GJB7: variants seen among roughly 807,000 people sequenced by gnomAD.
GJB7 encodes the protein gap junction protein beta 7.
For synonymous variants in GJB7, 87 were observed against 95.2 expected, an observed-to-expected ratio of 0.91 and a Z score of 0.50; for missense variants, 253 against 256.8, an observed-to-expected ratio of 0.99 and a Z score of 0.10.
Position 87,284,864 on chromosome 6 carries a change from A to G in GJB7, c.49T>C (p.Ser17Pro). ...AGCCAAATCCATCCAGTCCCAGTGG[A>G]GTATTTATTTACTCCACTCAGGAGA... ...RDLLSGVNKY[S>P]TGTGWIWLAV... The change falls in exon 3 of 3, where the codon TCC becomes CCC. Residue 17 changes from serine (S) to proline (P), a missense_variant. Coordinates refer to ENST00000525899, the MANE Select transcript of GJB7 (RefSeq NM_198568.3). 4 of 1,614,070 alleles carry G rather than the reference A, an allele frequency of 2.5e-6. No homozygotes were observed. The highest frequency in any genetic ancestry group is 1.7e-6 in the Non-Finnish European group (2 of 1,179,996).
chr6:87,284,726 C>A lies in GJB7; in HGVS notation c.187G>T (p.Val63Leu), dbSNP rs778968909. Residue 63 changes from valine (V) to leucine (L), a missense_variant, in exon 3 of 3, where the codon GTG becomes TTG. By Grantham distance (32) the Val-to-Leu change is conservative. Transcript: ENST00000525899. ...ATGGGGAAGAAGTCATCAAAACACA[C>A]ATTTTTGCAACCGGGCTGTCTACTG... is the stretch of plus-strand genomic sequence containing the variant. ...CNSRQPGCKN[V>L]CFDDFFPISQ... 6.2e-7 allele frequency: 1 copy of A among 1,614,136 alleles called. No individual in the cohort carries two copies. The highest frequency in any genetic ancestry group is 8.5e-7 in the Non-Finnish European group (1 of 1,180,018).
chr6:87,328,335 T>C (rs1327807040), intron 1 of GJB7, among the ~76,000 whole-genome samples: 2 of 152,186 alleles, frequency 1.3e-5, no homozygotes, highest in Non-Finnish European at 2.9e-5. Context: ...ACTCTGCTTT[T>C]TAGAGTTTCC....
rs574131943 is a variant in GJB7 at position 87,304,352 on chromosome 6, G to A, written c.-28+18514C>T. ...AAATGATAAAGGGGATATCACCACC[G>A]ATCCCACAGAAATACAAACTACCAT... is the stretch of plus-strand genomic sequence containing the variant. On this transcript the variant is annotated intron_variant, in intron 2 of 2. Coordinates refer to ENST00000525899, the MANE Select transcript of GJB7 (RefSeq NM_198568.3). 7.8e-4 allele frequency among the ~76,000 whole-genome samples: 118 copies of A among 152,212 alleles called. 1 individual carries two copies. The highest frequency in any genetic ancestry group is 9.6e-4 in the Non-Finnish European group (65 of 68,008).
At chr6:87,302,510 A>G (rs1461245493) in intron 2 of GJB7, among the ~76,000 whole-genome samples, 5 of 152,260 alleles carry the variant, frequency 3.3e-5, no homozygotes, top group African/African-American at 1.2e-4. Flanking sequence ...CAAAGCCTCC[A>G]AGAAATATGG....
intron 2 of GJB7, among the ~76,000 whole-genome samples, chr6:87,318,028 A>G (rs955507750): frequency 6.6e-6 from 1 of 152,110 alleles, no homozygotes; most frequent in African/African-American, 2.4e-5. Context: ...ATGACCTGAC[A>G]TGAAAAGTAT....
At chr6:87,315,795 C>CAAAAAAAA (rs1161194601) in intron 2 of GJB7, among the ~76,000 whole-genome samples, 39 of 71,944 alleles carry the variant, frequency 5.4e-4, no homozygotes, top group Non-Finnish European at 7.4e-4. Context: ...GACTCTATCT[C>CAAAAAAAA]AAAAAAAAAA....
intron 2 of GJB7, chr6:87,299,586 T>G (rs1159508508): frequency 4.4e-6 from 1 of 227,818 alleles, no homozygotes; most frequent in East Asian, 1.3e-4. Context: ...AAGATATTGA[T>G]AGAGAAGCTC....
At chr6:87,316,838 A>G (rs1325463043) in intron 2 of GJB7, among the ~76,000 whole-genome samples, 1 of 152,190 alleles carries the variant, frequency 6.6e-6, no homozygotes, top group Non-Finnish European at 1.5e-5. Flanking sequence ...TTTAGCAATA[A>G]GAAACACACC....
chr6:87,325,948 G>A (rs558953619), intron 1 of GJB7, among the ~76,000 whole-genome samples: 2 of 152,214 alleles, frequency 1.3e-5, no homozygotes, highest in Non-Finnish European at 2.9e-5. Context: ...TTCAGCTCCT[G>A]TTATTGGTCT....
chr6:87,303,532 C>T (rs936435175), intron 2 of GJB7, among the ~76,000 whole-genome samples: 2 of 152,008 alleles, frequency 1.3e-5, no homozygotes, highest in Non-Finnish European at 2.9e-5. Context: ...TAAAGCAAGC[C>T]CTTAGAGACC....
Position 87,284,715 on chromosome 6 carries a change from A to T in GJB7, c.198T>A (p.Asp66Glu). ...RQPGCKNVCFDDFFPISQVRL... is the reference protein window; with the variant it reads ...RQPGCKNVCFEDFFPISQVRL... ...TGACTTGGGAAATGGGGAAGAAGTC[A>T]TCAAAACACACATTTTTGCAACCGG... The change falls in exon 3 of 3, where the codon GAT (aspartate) becomes GAA (glutamate). Residue 66 changes from aspartate to glutamate, a missense_variant. Transcript: ENST00000525899. The T allele has an allele frequency of 1.2e-6, 2 of 1,614,186 alleles. No individual in the cohort carries two copies. Among genetic ancestry groups the T allele is most frequent in the Non-Finnish European group, 8.5e-7 (1 of 1,180,040 alleles).
rs1300311743 is a variant in GJB7 at position 87,284,745 on chromosome 6, T to C, written c.168A>G (p.Arg56=). 1.9e-6 allele frequency: 3 copies of C among 1,614,060 alleles called. No individual in the cohort carries two copies. The highest frequency in any genetic ancestry group is 2.5e-6 in the Non-Finnish European group (3 of 1,180,042). The change falls in exon 3 of 3, where the codon AGA becomes AGG. Residue 56 remains arginine (R), a synonymous_variant. Coordinates refer to ENST00000525899, the MANE Select transcript of GJB7 (RefSeq NM_198568.3). ...AACACACATTTTTGCAACCGGGCTGTCTACTGTTGCACTCAAACTCTTTCT... is the reference window on the plus strand; with the variant it reads ...AACACACATTTTTGCAACCGGGCTGCCTACTGTTGCACTCAAACTCTTTCT... The part of the protein sequence containing the change: ...DEQKEFECNS[R]QPGCKNVCFD...
intron 2 of GJB7, among the ~76,000 whole-genome samples, chr6:87,312,436 G>A (rs969140875): frequency 3.3e-5 from 5 of 151,046 alleles, no homozygotes; most frequent in East Asian, 2.0e-4. Flanking sequence ...GCTTGAACTC[G>A]CGAGGCGGAG....
chr6:87,320,223 T>C (rs1019735021), intron 2 of GJB7, among the ~76,000 whole-genome samples: 8 of 152,132 alleles, frequency 5.3e-5, no homozygotes, highest in Admixed American at 1.3e-4. Context: ...GATACCCCAT[T>C]TACCCTGATG....
At chr6:87,320,719 G>A (rs1370996145) in intron 2 of GJB7, among the ~76,000 whole-genome samples, 1 of 152,188 alleles carries the variant, frequency 6.6e-6, no homozygotes, top group Non-Finnish European at 1.5e-5. Context: ...GGTCAAAGAT[G>A]AATTCAAAGA....
intron 2 of GJB7, among the ~76,000 whole-genome samples, chr6:87,306,735 T>C (rs1321601270): frequency 6.6e-6 from 1 of 152,200 alleles, no homozygotes; most frequent in African/African-American, 2.4e-5. Flanking sequence ...CGTATGTTTA[T>C]TGCAGCACTA....
intron 2 of GJB7, among the ~76,000 whole-genome samples, chr6:87,302,903 C>G (rs188658549): frequency 1.3e-5 from 2 of 152,242 alleles, no homozygotes; most frequent in Non-Finnish European, 2.9e-5. Flanking sequence ...AATTTTCAAC[C>G]CAGAATTTCG....
chr6:87,321,579 G>T (rs1776662766), intron 2 of GJB7, among the ~76,000 whole-genome samples: 1 of 152,104 alleles, frequency 6.6e-6, no homozygotes, highest in African/African-American at 2.4e-5. Context: ...GGGTTTTTTT[G>T]AGATTACCTT....
intron 2 of GJB7, among the ~76,000 whole-genome samples, chr6:87,307,332 A>G (rs1776446535): frequency 1.3e-5 from 2 of 152,122 alleles, no homozygotes; most frequent in Admixed American, 6.6e-5. Context: ...CTTCATGTCT[A>G]AAACACCAAA....
Sources: allele counts gnomAD v4.1 joint callset (sites outside exome capture counted in the v4.1 genomes callset), GRCh38; gene constraint gnomAD v4.1.1; transcripts MANE v1.5; gene names NCBI Gene and HGNC (gene_info 2026-07-23, HGNC 2026-07-21).